PKM: variants seen among roughly 807,000 people sequenced by gnomAD.
The protein encoded by PKM is pyruvate kinase PKM.
A neutral mutation model predicts 49.8 loss-of-function variants in PKM; 18 were observed. That is an observed-to-expected ratio of 0.36 (90% CI 0.25 to 0.54). The LOEUF is 0.54. PKM is among the 20% of genes least tolerant of loss of function. PKM has a pLI of 0.89. For synonymous variants in PKM, 239 were observed against 261.8 expected (o/e 0.91, Z 0.84); for missense variants, 508 against 713.8 (o/e 0.71, Z 3.28).
At position 72,202,692 on chromosome 15, in the gene PKM, G is replaced by C; in HGVS notation, c.1141-72C>G. The C allele has an allele frequency of 7.3e-7, 1 of 1,369,076 alleles. No homozygotes were observed. The highest frequency in any genetic ancestry group is 1.0e-6 in the Non-Finnish European group (1 of 976,548). The allele number at this position is 1,369,076 out of a possible 1,614,324, so 84.8% of individuals were successfully genotyped here. ...TTGTCAGAGCTTTGTCACAAAAGGA[G>C]AGGGAGGGGAAGAGTCACCGGACAG... On this transcript the variant is annotated intron_variant, in intron 8 of 10. Transcript: ENST00000335181. The surrounding 1 kb of genome is among the most constrained non-coding windows in gnomAD (Gnocchi z 4.5).
chr15:72,229,737 C>T, intron 1 of PKM: 1 of 1,168,154 alleles, frequency 8.6e-7, no homozygotes, highest in South Asian at 1.6e-5. Flanking sequence ...GGCTATGACT[C>T]GTCTAGTCAT....
intron 1 of PKM, among the ~76,000 whole-genome samples, chr15:72,229,127 AGCTGTAG>A (rs1239574007): frequency 6.6e-6 from 1 of 152,228 alleles, no homozygotes; most frequent in Non-Finnish European, 1.5e-5. Flanking sequence ...CCTCACGATT[AGCTGTAG>A]GCGTTTGGGG....
At chr15:72,203,021 C>T (rs1401850638) in intron 8 of PKM, 5 of 1,614,032 alleles carry the variant, frequency 3.1e-6, no homozygotes, top group Non-Finnish European at 4.2e-6. Context: ...TAGGGCCCTA[C>T]CTGCCAGACT....
At chr15:72,219,265 G>T in intron 1 of PKM, 155 bp from the exon 2 acceptor site, 1 of 655,740 alleles carries the variant, frequency 1.5e-6, no homozygotes, top group Non-Finnish European at 2.6e-6. Context: ...TTATGTGGGT[G>T]CTCCTCATGT....
intron 1 of PKM, chr15:72,228,476 T>C: frequency 2.5e-6 from 1 of 405,834 alleles, no homozygotes; most frequent in South Asian, 1.8e-5. Flanking sequence ...AGTTGAGGCA[T>C]TTTTAATTAG....
intron 6 of PKM, among the ~76,000 whole-genome samples, chr15:72,207,786 C>A (rs2082124621): frequency 6.6e-6 from 1 of 152,234 alleles, no homozygotes; most frequent in Non-Finnish European, 1.5e-5. Flanking sequence ...GTTCAGCTAG[C>A]CTATGGCTTA....
chr15:72,203,976 G>A (rs1273050504), intron 8 of PKM: 1 of 152,220 alleles, frequency 6.6e-6, no homozygotes, highest in Non-Finnish European at 1.5e-5. Context: ...AAGCTTTAGA[G>A]GATTATAATG....
intron 1 of PKM, among the ~76,000 whole-genome samples, chr15:72,226,656 G>A (rs969279919): frequency 6.6e-6 from 1 of 152,274 alleles, no homozygotes; most frequent in Non-Finnish European, 1.5e-5. Flanking sequence ...GCCAGCAGCT[G>A]TGCTGGTCCA....
chr15:72,203,311 G>T, intron 8 of PKM: 1 of 872,392 alleles, frequency 1.1e-6, no homozygotes, highest in Non-Finnish European at 1.9e-6. Context: ...AGGTTAATTG[G>T]CTAAATCTGT....
intron 3 of PKM, among the ~76,000 whole-genome samples, chr15:72,211,085 A>T (rs1399454303): frequency 4.1e-5 from 6 of 145,198 alleles, no homozygotes; most frequent in Non-Finnish European, 6.0e-5. Flanking sequence ...TTTTTTTTTG[A>T]GACAGAGTCT....
chr15:72,208,579 G>C (rs2082145526), intron 6 of PKM, 42 bp downstream of exon 6: 1 of 1,611,360 alleles, frequency 6.2e-7, no homozygotes, highest in Non-Finnish European at 8.5e-7. Context: ...ATGCCCTTCG[G>C]AGAGCTGCGC....
chr15:72,224,888 A>C (rs2082621638), intron 1 of PKM, among the ~76,000 whole-genome samples: 1 of 150,278 alleles, frequency 6.7e-6, no homozygotes, highest in Non-Finnish European at 1.5e-5. Context: ...AACACAAATA[A>C]AGGCTGAGCT....
chr15:72,199,841 G>C (rs891115525), intron 10 of PKM, 85 bp from the exon 11 acceptor site: 2 of 836,340 alleles, frequency 2.4e-6, no homozygotes, highest in South Asian at 1.4e-5. Flanking sequence ...CCTGAGTACT[G>C]AACTAGGCTG....
Position 72,200,676 on chromosome 15 carries a change from T to A in PKM, c.1308-21A>T. The A allele has an allele frequency of 6.2e-7, 1 of 1,603,612 alleles. No homozygotes were observed. Among genetic ancestry groups the A allele is most frequent in the Middle Eastern group, 1.7e-4 (1 of 6,032 alleles). On this transcript the variant is annotated intron_variant, in intron 9 of 10. Transcript: ENST00000335181. This position sits in a 1 kb window ranked among gnomAD's most constrained non-coding sequence, Gnocchi z 4.6. ...CAGACCTGAGATGGGATGGGGGACA[T>A]ACAGAAGAGACCATTACACGAGGCC... is the stretch of plus-strand genomic sequence containing the variant.
chr15:72,224,733 T>C (rs1197114447), intron 1 of PKM, among the ~76,000 whole-genome samples: 2 of 151,808 alleles, frequency 1.3e-5, no homozygotes, highest in African/African-American at 2.4e-5. Context: ...CGCGCACCTG[T>C]AATCCCAGCT....
chr15:72,227,971 G>A (rs913237076), intron 1 of PKM, among the ~76,000 whole-genome samples: 1 of 152,154 alleles, frequency 6.6e-6, no homozygotes, highest in Non-Finnish European at 1.5e-5. Context: ...TCAAGGCACA[G>A]AAGCAACTCC....
rs752256480 is a variant in PKM at position 72,219,093 on chromosome 15, G to A, written c.5C>T (p.Ser2Leu). 6.2e-6 allele frequency: 10 copies of A among 1,613,520 alleles called. No individual in the cohort carries two copies. Among genetic ancestry groups the A allele is most frequent in the South Asian group, 5.5e-5 (5 of 91,066 alleles). The change falls in exon 2 of 11, where the codon TCG (serine) becomes TTG (leucine). Residue 2 changes from serine (S) to leucine (L), a missense_variant. By Grantham distance (145) the Ser-to-Leu change is moderately radical (BLOSUM62 -2). Transcript: ENST00000335181. ...AGTCCCGGCTTCACTATGGGGCTTC[G>A]ACATGGCTGCTGAGGTCCTGGGTCG... M[S>L]KPHSEAGTAF...
chr15:72,214,533 C>A (rs530166419), intron 3 of PKM, among the ~76,000 whole-genome samples: 1 of 152,114 alleles, frequency 6.6e-6, no homozygotes. Context: ...TGGTGGCTCA[C>A]GCCTGTAATC....
intron 1 of PKM, among the ~76,000 whole-genome samples, chr15:72,228,423 G>T (rs962777028): frequency 6.8e-6 from 1 of 147,188 alleles, no homozygotes; most frequent in African/African-American, 2.5e-5. Context: ...TGTCGCCCAG[G>T]CTGGAGTGCA....
Sources: allele counts gnomAD v4.1 joint callset (sites outside exome capture counted in the v4.1 genomes callset), GRCh38; gene constraint gnomAD v4.1.1; non-coding constraint Gnocchi (gnomAD v3.1); transcripts MANE v1.5; gene names NCBI Gene and HGNC (gene_info 2026-07-23, HGNC 2026-07-21).